The following TSGA10 variants were observed in gnomAD, a reference collection of about 807,000 sequenced individuals.
The protein encoded by TSGA10 is testis-specific gene 10 protein.
A neutral mutation model predicts 96.6 loss-of-function variants in TSGA10; 43 were observed. The ratio of observed to expected loss-of-function variants is 0.44; its 90% CI spans 0.35 to 0.57. The LOEUF is 0.57. Ranked by LOEUF, TSGA10 falls within the 20% of genes least tolerant of loss-of-function variation. The probability of loss-of-function intolerance (pLI) is 0.01; values close to 1 mark genes in which losing one functional copy is unlikely to be tolerated. For synonymous variants in TSGA10, 229 were observed against 269.9 expected (o/e 0.85, Z 1.48); for missense variants, 703 against 834.4 (o/e 0.84, Z 1.94).
chr2:99,109,086 T>C (rs2091600063), intron 6 of TSGA10, 95 bp from the exon 7 acceptor site: 17 of 933,132 alleles, frequency 1.8e-5, no homozygotes, highest in Non-Finnish European at 2.5e-5. Flanking sequence ...TTTAAGAAAA[T>C]AAGACTATAT....
chr2:99,143,326 G>GT (rs1165811204), intron 1 of TSGA10, among the ~76,000 whole-genome samples: 9 of 150,420 alleles, frequency 6.0e-5, no homozygotes, highest in African/African-American at 2.2e-4. Context: ...TTTGTTTTTT[G>GT]TTTTTTGTAT....
chr2:99,079,530 A>G (rs2087167923), intron 11 of TSGA10, among the ~76,000 whole-genome samples: 1 of 152,158 alleles, frequency 6.6e-6, no homozygotes, highest in Non-Finnish European at 1.5e-5. Context: ...GGGCACAGCA[A>G]TTTATGCTTT....
chr2:99,051,412 G>C (rs1433893002), intron 16 of TSGA10, among the ~76,000 whole-genome samples: 1 of 152,108 alleles, frequency 6.6e-6, no homozygotes, highest in East Asian at 1.9e-4. Context: ...CAGTGGTAAA[G>C]GGTCAAGGCC....
chr2:99,041,579 G>A (rs2082186686), intron 16 of TSGA10, among the ~76,000 whole-genome samples: 1 of 152,152 alleles, frequency 6.6e-6, no homozygotes, highest in African/African-American at 2.4e-5. Flanking sequence ...ATAAAGTGGG[G>A]AAAGAACACC....
intron 16 of TSGA10, among the ~76,000 whole-genome samples, chr2:99,063,273 T>C (rs2084898493): frequency 6.6e-6 from 1 of 152,166 alleles, no homozygotes; most frequent in South Asian, 2.1e-4. Flanking sequence ...AGAAGAACTT[T>C]TAAATGAAAA....
chr2:99,149,169 C>CA (rs35343264), intron 1 of TSGA10, among the ~76,000 whole-genome samples: 72,615 of 122,994 alleles, frequency 0.59, 21,093 homozygotes, highest in East Asian at 0.87. Context: ...AACTCCATCT[C>CA]AAAAAAAAAA....
At chr2:99,143,531 C>G (rs925133073) in intron 1 of TSGA10, among the ~76,000 whole-genome samples, 5 of 151,456 alleles carry the variant, frequency 3.3e-5, no homozygotes, top group African/African-American at 1.2e-4. Context: ...AGTGCGTTGG[C>G]ATGATCTCAG....
At chr2:99,028,085 T>A (rs534690095) in intron 17 of TSGA10, among the ~76,000 whole-genome samples, 1 of 152,306 alleles carries the variant, frequency 6.6e-6, no homozygotes, top group South Asian at 2.1e-4. Flanking sequence ...TTCTAGCCCC[T>A]CCCGCTAGGA....
intron 17 of TSGA10, among the ~76,000 whole-genome samples, chr2:99,025,049 G>A (rs985546320): frequency 2.6e-5 from 4 of 151,986 alleles, no homozygotes; most frequent in South Asian, 2.1e-4. Flanking sequence ...GTATTTTCTC[G>A]AGAATTTTTC....
chr2:99,086,290 A>G (rs1167961368), intron 10 of TSGA10, among the ~76,000 whole-genome samples: 1 of 152,208 alleles, frequency 6.6e-6, no homozygotes, highest in Non-Finnish European at 1.5e-5. Context: ...TAACCATAAA[A>G]TGTAAAATTA....
intron 17 of TSGA10, among the ~76,000 whole-genome samples, chr2:99,027,688 A>G (rs900329735): frequency 6.6e-6 from 1 of 152,182 alleles, no homozygotes; most frequent in Non-Finnish European, 1.5e-5. Context: ...ATTATTTGTC[A>G]ACTAAAAAAA....
At chr2:99,140,515 T>G (rs975781095) in intron 1 of TSGA10, among the ~76,000 whole-genome samples, 3 of 152,058 alleles carry the variant, frequency 2.0e-5, no homozygotes, top group African/African-American at 7.2e-5. Context: ...CATATTTCTG[T>G]GAGTTTTTAG....
intron 16 of TSGA10, among the ~76,000 whole-genome samples, chr2:99,059,422 G>A (rs895579334): frequency 6.6e-6 from 1 of 151,232 alleles, no homozygotes; most frequent in African/African-American, 2.4e-5. Flanking sequence ...ATCACCTGAG[G>A]TCAGGAGTTC....
chr2:99,086,950 A>G (rs920391491), intron 10 of TSGA10, among the ~76,000 whole-genome samples: 3 of 152,072 alleles, frequency 2.0e-5, no homozygotes, highest in Non-Finnish European at 4.4e-5. Flanking sequence ...CATGCCTGTA[A>G]TCCCAGCACT....
intron 2 of TSGA10, among the ~76,000 whole-genome samples, chr2:99,120,298 G>A (rs1274093038): frequency 6.6e-6 from 1 of 152,058 alleles, no homozygotes; most frequent in East Asian, 1.9e-4. Context: ...TCAATTCCAA[G>A]ACAAAAGTAC....
At chr2:99,134,210 A>G (rs11123763) in intron 1 of TSGA10, among the ~76,000 whole-genome samples, 89,409 of 151,472 alleles carry the variant, frequency 0.59, 27,277 homozygotes, top group East Asian at 0.88. Context: ...TCACTTTCAG[A>G]GTATACCAAT....
intron 16 of TSGA10, among the ~76,000 whole-genome samples, chr2:99,052,306 A>G (rs1376513036): frequency 6.6e-6 from 1 of 152,102 alleles, no homozygotes; most frequent in African/African-American, 2.4e-5. Flanking sequence ...AAGAAATACA[A>G]AGAATCATAA....
chr2:99,058,120 A>G (rs1026649790), intron 16 of TSGA10, among the ~76,000 whole-genome samples: 2 of 152,190 alleles, frequency 1.3e-5, no homozygotes, highest in African/African-American at 4.8e-5. Context: ...AAATGCATCA[A>G]AGACCTAATG....
At chr2:99,040,044 G>C (rs148007984) in intron 16 of TSGA10, among the ~76,000 whole-genome samples, 1,631 of 152,176 alleles carry the variant, frequency 0.011, 9 homozygotes, top group Middle Eastern at 0.027. Flanking sequence ...CATAGATGCA[G>C]ACAAAACATA....
Sources: allele counts gnomAD v4.1 joint callset (sites outside exome capture counted in the v4.1 genomes callset), GRCh38; gene constraint gnomAD v4.1.1; transcripts MANE v1.5; gene names NCBI Gene and HGNC (gene_info 2026-07-23, HGNC 2026-07-21).